Variants in RALYL observed in about 807,000 individuals in gnomAD.
RALYL encodes RALY RNA binding protein like, also known as RNA-binding Raly-like protein.
RALYL carries 29 observed loss-of-function variants against 35.1 expected under a neutral mutation model. The observed-to-expected ratio is 0.83, with a 90% CI of 0.61 to 1.13. The LOEUF (loss-of-function observed/expected upper bound fraction) is 1.13. RALYL is among the 50% of genes most tolerant of loss of function. The probability of loss-of-function intolerance (pLI) is 0.00; values close to 1 mark genes in which losing one functional copy is unlikely to be tolerated. For synonymous variants in RALYL, 120 were observed against 127.6 expected (o/e 0.94, Z 0.40); for missense variants, 359 against 360.4 (o/e 1.00, Z 0.03).
intron 1 of RALYL, among the ~76,000 whole-genome samples, chr8:84,393,398 G>A (rs1412592849): frequency 1.3e-5 from 2 of 152,026 alleles, no homozygotes; most frequent in Non-Finnish European, 2.9e-5. Flanking sequence ...ATCAAAGAGT[G>A]CAGGCTGAAA....
At chr8:84,336,163 C>A (rs1311080067) in intron 1 of RALYL, among the ~76,000 whole-genome samples, 2 of 152,056 alleles carry the variant, frequency 1.3e-5, no homozygotes, top group East Asian at 1.9e-4. Context: ...TTGTCTCAGT[C>A]CACAGTTCTT....
intron 1 of RALYL, among the ~76,000 whole-genome samples, chr8:84,302,466 G>A (rs902490158): frequency 1.3e-5 from 2 of 152,080 alleles, no homozygotes; most frequent in African/African-American, 2.4e-5. Flanking sequence ...AACCTCATAG[G>A]ATACTTAGTT....
chr8:84,506,921 T>C lies in RALYL; in HGVS notation c.-23-22378T>C, dbSNP rs890210997. ...AATGAAAGTTTTTACATCTGAAACC[T>C]GTCACGGCACAGCCCAATTTAACCA... On this transcript the variant is annotated intron_variant, in intron 1 of 8. Transcript: ENST00000521268. Among the ~76,000 whole-genome samples, 3 of 152,202 alleles carry C rather than the reference T, an allele frequency of 2.0e-5. No homozygotes were observed. The South Asian group carries it at 6.2e-4, about 31-fold the overall frequency.
At chr8:84,276,536 G>A (rs926589851) in intron 1 of RALYL, among the ~76,000 whole-genome samples, 2 of 152,148 alleles carry the variant, frequency 1.3e-5, no homozygotes, top group Admixed American at 1.3e-4. Flanking sequence ...ATCAAACTGA[G>A]AAGCAAAGTT....
intron 1 of RALYL, among the ~76,000 whole-genome samples, chr8:84,217,230 T>A (rs181045252): frequency 1.3e-3 from 200 of 152,242 alleles, no homozygotes; most frequent in South Asian, 3.3e-3. Context: ...AAGCACATTT[T>A]GCATTTTAAT....
At chr8:84,196,841 A>G (rs1171711793) in intron 1 of RALYL, among the ~76,000 whole-genome samples, 1 of 152,218 alleles carries the variant, frequency 6.6e-6, no homozygotes, top group African/African-American at 2.4e-5. Context: ...AAGTTATCCC[A>G]AAATATGGTC....
At chr8:84,748,172 A>T (rs1009120596) in intron 2 of RALYL, among the ~76,000 whole-genome samples, 1 of 151,938 alleles carries the variant, frequency 6.6e-6, no homozygotes, top group Non-Finnish European at 1.5e-5. Flanking sequence ...CATTCTTTTC[A>T]TATTATTTTC....
At position 84,887,598 on chromosome 8, in the gene RALYL, C is replaced by G. The variant is rs368920635; in HGVS notation, c.686-6C>G. 1.8e-4 allele frequency: 292 copies of G among 1,601,890 alleles called. 1 individual carries two copies. Among genetic ancestry groups the G allele is most frequent in the East Asian group, 2.5e-4 (11 of 44,662 alleles). On this transcript the variant is annotated splice_polypyrimidine_tract_variant and splice_region_variant and intron_variant, in intron 7 of 8. Coordinates refer to ENST00000521268, the MANE Select transcript of RALYL (RefSeq NM_173848.7). ...GTAGTAGTCATTTGCTTTCTCCCCC[C>G]CCCAGAAGCTCAGAAGAAGCAATTG...
chr8:84,644,836 C>T (rs1409033639), intron 2 of RALYL, among the ~76,000 whole-genome samples: 1 of 151,834 alleles, frequency 6.6e-6, no homozygotes, highest in Non-Finnish European at 1.5e-5. Context: ...ACTGCAACCT[C>T]CACCTCACAG....
intron 1 of RALYL, among the ~76,000 whole-genome samples, chr8:84,227,653 G>A (rs890632982): frequency 1.3e-5 from 2 of 151,940 alleles, no homozygotes; most frequent in Non-Finnish European, 2.9e-5. Flanking sequence ...TCTTATTAGA[G>A]TCACACTATG....
rs548908983 is a variant in RALYL at position 84,693,084 on chromosome 8, T to A, written c.257-81495T>A. Reference sequence around the variant, plus strand: ...TTTGTGTGGTTTTAAATTATCAAATTTTTGGTAATTTGTTAAAGCAACAAT... The same window carrying A: ...TTTGTGTGGTTTTAAATTATCAAATATTTGGTAATTTGTTAAAGCAACAAT... On this transcript the variant is annotated intron_variant, in intron 2 of 8. Transcript: ENST00000521268. Among the ~76,000 whole-genome samples the A allele has an allele frequency of 2.6e-5, 4 of 152,096 alleles. No individual in the cohort carries two copies. In the East Asian group the frequency reaches 5.8e-4, roughly 22 times the overall value.
chr8:84,290,835 A>G (rs1226274777), intron 1 of RALYL, among the ~76,000 whole-genome samples: 1 of 152,168 alleles, frequency 6.6e-6, no homozygotes, highest in Non-Finnish European at 1.5e-5. Flanking sequence ...GTTTCTCAGT[A>G]ACAACCATAA....
At chr8:84,854,037 C>CAGTT (rs1836437162) in intron 5 of RALYL, among the ~76,000 whole-genome samples, 1 of 152,150 alleles carries the variant, frequency 6.6e-6, no homozygotes, top group Admixed American at 6.5e-5. Flanking sequence ...CTAGTATTAA[C>CAGTT]AGTTAACAGT....
intron 1 of RALYL, among the ~76,000 whole-genome samples, chr8:84,469,364 G>C (rs1465389149): frequency 2.8e-4 from 42 of 152,048 alleles, no homozygotes; most frequent in Non-Finnish European, 3.1e-4. Flanking sequence ...TTCTAACAGA[G>C]AGGACCCTCA....
chr8:84,373,316 T>C (rs1856282123), intron 1 of RALYL, among the ~76,000 whole-genome samples: 1 of 152,028 alleles, frequency 6.6e-6, no homozygotes, highest in African/African-American at 2.4e-5. Flanking sequence ...AGAATGGTGT[T>C]ACCTAGGTCA....
At chr8:84,745,070 C>T (rs1031172390) in intron 2 of RALYL, among the ~76,000 whole-genome samples, 5 of 151,412 alleles carry the variant, frequency 3.3e-5, no homozygotes, top group Non-Finnish European at 5.9e-5. Flanking sequence ...AACAAACACA[C>T]ACACACACAC....
chr8:84,899,270 T>C (rs1845273712), intron 8 of RALYL, among the ~76,000 whole-genome samples: 2 of 152,146 alleles, frequency 1.3e-5, no homozygotes, highest in Admixed American at 1.3e-4. Context: ...GGCCATGCTT[T>C]GTACATAGCT....
At chr8:84,288,028 C>G (rs1837998585) in intron 1 of RALYL, among the ~76,000 whole-genome samples, 1 of 152,108 alleles carries the variant, frequency 6.6e-6, no homozygotes, top group East Asian at 1.9e-4. Context: ...TGAGATTGAT[C>G]CAGCTCTAGT....
intron 1 of RALYL, among the ~76,000 whole-genome samples, chr8:84,204,707 A>G (rs563867325): frequency 4.6e-5 from 7 of 152,298 alleles, no homozygotes; most frequent in Admixed American, 2.6e-4. Flanking sequence ...TGTGCATGCC[A>G]TATGTTCAAC....
Sources: allele counts gnomAD v4.1 joint callset (sites outside exome capture counted in the v4.1 genomes callset), GRCh38; gene constraint gnomAD v4.1.1; transcripts MANE v1.5; gene names NCBI Gene and HGNC (gene_info 2026-07-23, HGNC 2026-07-21).